Variants in THEMIS observed in about 807,000 individuals in gnomAD.
THEMIS encodes the protein protein THEMIS.
In THEMIS, 37 loss-of-function variants were observed where a neutral mutation model predicts 52.6. The observed-to-expected ratio is 0.70, with a 90% confidence interval of 0.54 to 0.93. THEMIS has a LOEUF of 0.93. Among genes scored for constraint, THEMIS ranks in the 40% least tolerant of loss-of-function variants. The pLI, the probability that THEMIS is intolerant of heterozygous loss-of-function variation, is 0.00. For synonymous variants in THEMIS, 292 were observed against 272.7 expected, an observed-to-expected ratio of 1.07 and a Z score of -0.70; for missense variants, 808 against 763.1, an observed-to-expected ratio of 1.06 and a Z score of -0.69.
At chr6:127,861,408 A>G (rs1779791723) in intron 1 of THEMIS, among the ~76,000 whole-genome samples, 1 of 152,104 alleles carries the variant, frequency 6.6e-6, no homozygotes, top group Non-Finnish European at 1.5e-5. Context: ...ATAAAGCTTC[A>G]TGTTATTATC....
chr6:127,785,481 A>G lies in THEMIS; in HGVS notation c.1758+27402T>C, dbSNP rs1036572230. Among the ~76,000 whole-genome samples, 10 of 131,172 alleles carry G rather than the reference A, an allele frequency of 7.6e-5. 1 individual carries two copies. Among genetic ancestry groups the G allele is most frequent in the African/African-American group, 2.7e-4 (10 of 37,470 alleles). The allele number at this position is 131,172 out of a possible 152,430, so 86.1% of individuals were successfully genotyped here. On this transcript the variant is annotated intron_variant, in intron 4 of 5. Coordinates refer to ENST00000368248, the MANE Select transcript of THEMIS (RefSeq NM_001010923.3). ...AAAGTATAATAATAATAAAATTTAA[A>G]AAAAAAAAAACAATACTTTCTCCAG...
At chr6:127,892,574 T>TGTAA (rs199748197) in intron 1 of THEMIS, among the ~76,000 whole-genome samples, 4,745 of 152,278 alleles carry the variant, frequency 0.031, 116 homozygotes, top group Non-Finnish European at 0.05. Flanking sequence ...TTAGGATGTA[T>TGTAA]GTAAGCTATT....
At chr6:127,854,930 G>T in intron 2 of THEMIS, 100 bp downstream of exon 2, 1 of 1,070,832 alleles carries the variant, frequency 9.3e-7, no homozygotes, top group Non-Finnish European at 1.2e-6. Flanking sequence ...TTATCCTAGA[G>T]TGAAAAACAG....
intron 4 of THEMIS, among the ~76,000 whole-genome samples, chr6:127,732,571 C>A (rs1202700931): frequency 6.6e-6 from 1 of 152,144 alleles, no homozygotes; most frequent in Non-Finnish European, 1.5e-5. Flanking sequence ...GCCTTTCCCC[C>A]AAAGCTAGCC....
intron 4 of THEMIS, among the ~76,000 whole-genome samples, chr6:127,751,452 C>T (rs1775641169): frequency 6.6e-6 from 1 of 151,666 alleles, no homozygotes. Context: ...GAACTCACTT[C>T]AGCTTTAAGG....
chr6:127,767,166 A>T lies in THEMIS; in HGVS notation c.1758+45717T>A, dbSNP rs187016615. 1.8e-4 allele frequency among the ~76,000 whole-genome samples: 27 copies of T among 151,862 alleles called. 1 individual carries two copies. In the East Asian group the frequency reaches 3.7e-3, roughly 21 times the overall value. On this transcript the variant is annotated intron_variant, in intron 4 of 5. Transcript: ENST00000368248. ...GAGTGCAGTGGCACGATCTTGACTC[A>T]CTACAAGCTCCACCTCCCGGGTTCA...
intron 3 of THEMIS, among the ~76,000 whole-genome samples, chr6:127,829,002 A>T (rs1778602660): frequency 6.6e-6 from 1 of 152,344 alleles, no homozygotes; most frequent in Admixed American, 6.5e-5. Flanking sequence ...CTGGGTTAGT[A>T]GAGATTTACA....
At chr6:127,738,398 C>T (rs1231995283) in intron 4 of THEMIS, among the ~76,000 whole-genome samples, 2 of 152,046 alleles carry the variant, frequency 1.3e-5, no homozygotes, top group African/African-American at 4.8e-5. Flanking sequence ...ATGGAAAGGC[C>T]TTAGTGTGGT....
intron 2 of THEMIS, among the ~76,000 whole-genome samples, chr6:127,834,672 G>A (rs1055095896): frequency 1.3e-5 from 2 of 151,886 alleles, no homozygotes; most frequent in Non-Finnish European, 2.9e-5. Flanking sequence ...TACCTGCAGA[G>A]GTAAAAGAAT....
chr6:127,849,966 G>A (rs2114267100), intron 2 of THEMIS, among the ~76,000 whole-genome samples: 1 of 152,232 alleles, frequency 6.6e-6, no homozygotes, highest in East Asian at 1.9e-4. Context: ...CAAAGTGGGA[G>A]AAAATATTTG....
chr6:127,847,760 C>T (rs1779268187), intron 2 of THEMIS, among the ~76,000 whole-genome samples: 1 of 151,708 alleles, frequency 6.6e-6, no homozygotes, highest in African/African-American at 2.4e-5. Context: ...CATCAAAATA[C>T]CAGCATCATT....
chr6:127,758,286 A>G (rs1448246442), intron 4 of THEMIS, among the ~76,000 whole-genome samples: 2 of 150,656 alleles, frequency 1.3e-5, no homozygotes, highest in Non-Finnish European at 3.0e-5. Flanking sequence ...AAGAGGAAAT[A>G]CATAATCAAT....
intron 4 of THEMIS, among the ~76,000 whole-genome samples, chr6:127,809,359 T>A (rs1777823511): frequency 6.6e-6 from 1 of 152,132 alleles, no homozygotes; most frequent in Non-Finnish European, 1.5e-5. Context: ...TAAGAAATAT[T>A]TGCAAAATTT....
chr6:127,811,405 A>G (rs374104933), intron 4 of THEMIS, among the ~76,000 whole-genome samples: 5 of 152,242 alleles, frequency 3.3e-5, no homozygotes, highest in Admixed American at 2.0e-4. Context: ...CCTTTCCTCC[A>G]TCTTCAAATG....
At chr6:127,701,839 T>C in the THEMIS span, among the ~76,000 whole-genome samples, 2 of 152,182 alleles carry the variant, frequency 1.3e-5, no homozygotes, top group Non-Finnish European at 2.9e-5. Flanking sequence ...GAATATCCTC[T>C]TTTATGAAGT....
downstream of THEMIS, among the ~76,000 whole-genome samples, chr6:127,707,588 G>A (rs1773830002): frequency 6.6e-6 from 1 of 151,962 alleles, no homozygotes; most frequent in African/African-American, 2.4e-5. Flanking sequence ...TTATAGTTGT[G>A]GAAATATTTT....
At chr6:127,746,851 A>G (rs1775424588) in intron 4 of THEMIS, among the ~76,000 whole-genome samples, 1 of 51,696 alleles carries the variant, frequency 1.9e-5, no homozygotes, top group South Asian at 8.0e-4. Flanking sequence ...ATATATAATT[A>G]TATATTATTA....
At chr6:127,910,604 A>T (rs1781387887) in intron 1 of THEMIS, among the ~76,000 whole-genome samples, 1 of 152,184 alleles carries the variant, frequency 6.6e-6, no homozygotes. Flanking sequence ...TGGAGTTTAT[A>T]AAATACAGCA....
At chr6:127,793,206 T>C (rs1245652847) in intron 4 of THEMIS, among the ~76,000 whole-genome samples, 2 of 152,152 alleles carry the variant, frequency 1.3e-5, no homozygotes, top group African/African-American at 4.8e-5. Flanking sequence ...AAGCAGACAA[T>C]GGGTCCCAGT....
Sources: gnomAD v4.1 joint callset for allele counts (sites outside exome capture counted in the v4.1 genomes callset) on GRCh38, gnomAD v4.1.1 for gene constraint, MANE v1.5 for transcripts, NCBI Gene and HGNC (gene_info 2026-07-23, HGNC 2026-07-21) for gene names.